Variants in COG2 observed in about 807,000 individuals in gnomAD.
COG2 encodes component of oligomeric golgi complex 2.
In COG2, 52 loss-of-function variants were observed where a neutral mutation model predicts 90.6. The ratio of observed to expected loss-of-function variants is 0.57; its 90% CI spans 0.46 to 0.72. The LOEUF is 0.72. COG2 is among the 30% of genes least tolerant of loss of function. The pLI, the probability that COG2 is intolerant of heterozygous loss-of-function variation, is 0.00. For missense variants in COG2, 829 were observed against 891.2 expected, an observed-to-expected ratio of 0.93 and a Z score of 0.89; for synonymous variants, 337 against 320.4, an observed-to-expected ratio of 1.05 and a Z score of -0.55.
At position 230,642,662 on chromosome 1, in the gene COG2, A is replaced by G; in HGVS notation, c.56A>G (p.Lys19Arg). The G allele has an allele frequency of 6.2e-7, 1 of 1,613,028 alleles. No individual in the cohort carries two copies. The highest frequency in any genetic ancestry group is 8.5e-7 in the Non-Finnish European group (1 of 1,179,596). The change falls in exon 1 of 18, where the codon AAG (lysine) becomes AGG (arginine). Residue 19 changes from lysine (K) to arginine (R), a missense_variant. Coordinates refer to ENST00000366669, the MANE Select transcript of COG2 (RefSeq NM_007357.3). ...GGGCCGGACACGCTCTGCTTCGACA[A>G]GGACGAGTTCATGAAGGTGCGCGCG... ...PKGPDTLCFD[K>R]DEFMKEDFDV...
At chr1:230,662,547 G>A (rs1662204997) in intron 3 of COG2, among the ~76,000 whole-genome samples, 1 of 151,904 alleles carries the variant, frequency 6.6e-6, no homozygotes. Flanking sequence ...TCCTGTTCTT[G>A]ACTTCTTGAT....
At chr1:230,687,243 C>A in intron 13 of COG2, 111 bp downstream of exon 13, 1 of 789,066 alleles carries the variant, frequency 1.3e-6, no homozygotes, top group Non-Finnish European at 1.9e-6. Context: ...AATTGGGGGA[C>A]CCGTGGGTAC....
At chr1:230,660,076 T>C (rs1662148477) in intron 2 of COG2, among the ~76,000 whole-genome samples, 1 of 152,232 alleles carries the variant, frequency 6.6e-6, no homozygotes, top group African/African-American at 2.4e-5. Context: ...GTGAGAATAG[T>C]TTGTCACGAG....
chr1:230,642,890 A>G (rs1401838742), intron 1 of COG2: 3 of 548,582 alleles, frequency 5.5e-6, no homozygotes, highest in African/African-American at 2.0e-5. Context: ...CGTGCGTGTT[A>G]CATGGAAAGG....
chr1:230,678,709 G>A (rs1256785535), intron 9 of COG2: 2 of 1,478,420 alleles, frequency 1.4e-6, no homozygotes, highest in Non-Finnish European at 1.8e-6. Context: ...GGAAGACACG[G>A]AAGACATATC....
chr1:230,647,611 C>G (rs757372868), intron 1 of COG2, among the ~76,000 whole-genome samples: 24 of 151,978 alleles, frequency 1.6e-4, no homozygotes, highest in Admixed American at 7.9e-4. Context: ...AAGAAACTTA[C>G]AGTTGCCCCT....
At position 230,669,469 on chromosome 1, in the gene COG2, G is replaced by T. The variant is rs34010781; in HGVS notation, c.708G>T (p.Thr236=). The change falls in exon 7 of 18, where the codon ACG becomes ACT. Residue 236 remains threonine (T), a synonymous_variant. Coordinates refer to ENST00000366669, the MANE Select transcript of COG2 (RefSeq NM_007357.3). ...GGCACTGCTTGCGGACTTACGCCAC[G>T]ATTGACAAGACACGGGACGCGGAGG... ...IIRHCLRTYA[T]IDKTRDAEAL... The T allele has an allele frequency of 3.7e-6, 6 of 1,614,068 alleles. No individual in the cohort carries two copies. The highest frequency in any genetic ancestry group is 5.1e-6 in the Non-Finnish European group (6 of 1,179,958).
chr1:230,678,157 C>T (rs1044494981), intron 9 of COG2: 84 of 985,238 alleles, frequency 8.5e-5, no homozygotes, highest in Non-Finnish European at 9.6e-5. Flanking sequence ...CTGGGGGCTT[C>T]GGGAATAAAG....
At chr1:230,687,480 T>C (rs1051426082) in intron 13 of COG2, among the ~76,000 whole-genome samples, 1 of 152,240 alleles carries the variant, frequency 6.6e-6, no homozygotes, top group African/African-American at 2.4e-5. Context: ...CTTATTCTGG[T>C]CAGGCATGAT....
chr1:230,672,664 TAAA>T (rs11297922), intron 8 of COG2, among the ~76,000 whole-genome samples: 1 of 146,486 alleles, frequency 6.8e-6, no homozygotes, highest in Non-Finnish European at 1.5e-5. Flanking sequence ...AACCCCATCT[TAAA>T]AAAAAAAAAA....
At chr1:230,683,510 A>G in intron 10 of COG2, 64 bp from the exon 11 acceptor site, 2 of 1,260,978 alleles carry the variant, frequency 1.6e-6, no homozygotes, top group Non-Finnish European at 1.2e-6. Flanking sequence ...AAAACAGAGA[A>G]TGGATAGGGA....
At chr1:230,649,883 C>T (rs1404524232) in intron 1 of COG2, among the ~76,000 whole-genome samples, 1 of 152,148 alleles carries the variant, frequency 6.6e-6, no homozygotes, top group Non-Finnish European at 1.5e-5. Context: ...CCAGCACTTC[C>T]CCTTTCAAGT....
rs1442580926 is a variant in COG2, at chr1:230,660,768, A to G, written c.245A>G (p.Asp82Gly). Residue 82 changes from aspartate to glycine, a missense_variant, in exon 3 of 18, where the codon GAC becomes GGC. By Grantham distance (94) the Asp-to-Gly change is moderately conservative. Coordinates refer to ENST00000366669, the MANE Select transcript of COG2 (RefSeq NM_007357.3). ...GATTTCTGCCTTTAGGTTGGCATGG[A>G]CAAAGCCCTCAACCAGCTTTCTGTG... ...VNLSTNLVGM[D>G]KALNQLSVPL... The G allele has an allele frequency of 6.3e-7, 1 of 1,590,268 alleles. No individual in the cohort carries two copies. Among genetic ancestry groups the G allele is most frequent in the East Asian group, 2.3e-5 (1 of 43,264 alleles).
At chr1:230,657,384 A>C (rs566093218) in intron 1 of COG2, among the ~76,000 whole-genome samples, 1 of 152,280 alleles carries the variant, frequency 6.6e-6, no homozygotes, top group South Asian at 2.1e-4. Flanking sequence ...AAGAATATTT[A>C]ATATTGGCCC....
chr1:230,665,783 C>T lies in COG2; in HGVS notation c.485+1196C>T, dbSNP rs1487723210. On this transcript the variant is annotated intron_variant, in intron 5 of 17. Coordinates refer to ENST00000366669, the MANE Select transcript of COG2 (RefSeq NM_007357.3). The stretch of plus-strand genomic sequence containing the variant: ...ATCAGTGTCAGTTCTGAGAGCCCAG[C>T]AGAGCCCTGTTCCACTAACTGCTCT... Among the ~76,000 whole-genome samples, 6 of 152,134 alleles carry T rather than the reference C, an allele frequency of 3.9e-5. No individual in the cohort carries two copies. In the South Asian group the frequency reaches 1.0e-3, roughly 26 times the overall value.
At position 230,659,455 on chromosome 1, in the gene COG2, A is replaced by G; in HGVS notation, c.73-9A>G. ...CTATAATTTTTTCTTCTCTGGTTTTATTTTTCAGGAAGATTTCGATGTCGA... is the reference window on the plus strand; with the variant it reads ...CTATAATTTTTTCTTCTCTGGTTTTGTTTTTCAGGAAGATTTCGATGTCGA... On this transcript the variant is annotated splice_polypyrimidine_tract_variant and intron_variant, in intron 1 of 17. Coordinates refer to ENST00000366669, the MANE Select transcript of COG2 (RefSeq NM_007357.3). The G allele has an allele frequency of 1.2e-6, 2 of 1,611,736 alleles. No homozygotes were observed. Among genetic ancestry groups the G allele is most frequent in the Middle Eastern group, 1.7e-4 (1 of 6,052 alleles).
At position 230,664,651 on chromosome 1, in the gene COG2, A is replaced by G. The variant is rs924168825; in HGVS notation, c.485+64A>G. ...TCACATCCAGAGTAAAAACTTTTTT[A>G]GTTAGAACTCATTTCTGATAAAGAA... On this transcript the variant is annotated intron_variant, in intron 5 of 17. Coordinates refer to ENST00000366669, the MANE Select transcript of COG2 (RefSeq NM_007357.3). The G allele has an allele frequency of 5.5e-6, 4 of 729,466 alleles. No individual in the cohort carries two copies. The African/African-American group carries it at 7.4e-5, about 13-fold the overall frequency. The allele number at this position is 729,466 out of a possible 1,614,324, so 45.2% of individuals were successfully genotyped here.
At chr1:230,675,173 T>C (rs771091193) in intron 9 of COG2, 49 bp downstream of exon 9, 2 of 1,574,758 alleles carry the variant, frequency 1.3e-6, no homozygotes, top group South Asian at 1.2e-5. Flanking sequence ...AACCGGAGAC[T>C]GGAGAAATAT....
chr1:230,676,909 G>A (rs1571957293), intron 9 of COG2, among the ~76,000 whole-genome samples: 2 of 151,982 alleles, frequency 1.3e-5, no homozygotes, highest in Non-Finnish European at 2.9e-5. Flanking sequence ...TTTTTTCTCT[G>A]GCTGCTTTTA....
Sources: allele counts gnomAD v4.1 joint callset (sites outside exome capture counted in the v4.1 genomes callset), GRCh38; gene constraint gnomAD v4.1.1; transcripts MANE v1.5; gene names NCBI Gene and HGNC (gene_info 2026-07-23, HGNC 2026-07-21).